C8orf34: variants seen among roughly 807,000 people sequenced by gnomAD.
C8orf34 encodes the protein uncharacterized protein C8orf34.
In C8orf34, 65 loss-of-function variants were observed where a neutral mutation model predicts 68.3. That is an observed-to-expected ratio of 0.95 (90% confidence interval 0.78 to 1.17). The LOEUF (loss-of-function observed/expected upper bound fraction) is 1.17. C8orf34 is among the 50% of genes most tolerant of loss of function. C8orf34 has a pLI of 0.00. For missense variants in C8orf34, 664 were observed against 655.4 expected, an observed-to-expected ratio of 1.01 and a Z score of -0.14; for synonymous variants, 244 against 241.2, an observed-to-expected ratio of 1.01 and a Z score of -0.11.
chr8:68,411,935 G>A (rs1809461415), intron 1 of C8orf34, among the ~76,000 whole-genome samples: 1 of 152,198 alleles, frequency 6.6e-6, no homozygotes, highest in Admixed American at 6.5e-5. Context: ...AAGCCTTTGG[G>A]AGGTGATTAA....
chr8:68,539,184 A>G (rs567175583), intron 7 of C8orf34, among the ~76,000 whole-genome samples: 48 of 152,354 alleles, frequency 3.2e-4, no homozygotes, highest in African/African-American at 1.1e-3. Flanking sequence ...TGCTTTTGAA[A>G]TAAACTTGCC....
At chr8:68,716,578 T>C (rs1242614114) in intron 9 of C8orf34, among the ~76,000 whole-genome samples, 1 of 152,006 alleles carries the variant, frequency 6.6e-6, no homozygotes, top group African/African-American at 2.4e-5. Flanking sequence ...ATTAAGACCA[T>C]GGAGAGATAC....
chr8:68,459,450 C>T (rs895567717), intron 3 of C8orf34, among the ~76,000 whole-genome samples: 3 of 152,056 alleles, frequency 2.0e-5, no homozygotes, highest in African/African-American at 7.2e-5. Flanking sequence ...CCAGGCTGGT[C>T]TCGAGCTCCT....
intron 7 of C8orf34, among the ~76,000 whole-genome samples, chr8:68,571,694 T>C (rs532829528): frequency 1.3e-5 from 2 of 152,258 alleles, no homozygotes; most frequent in South Asian, 2.1e-4. Flanking sequence ...GGAAGAAGCA[T>C]AGAGAAATTG....
intron 1 of C8orf34, among the ~76,000 whole-genome samples, chr8:68,403,881 C>T (rs7816788): frequency 0.64 from 96,590 of 152,000 alleles, 30,753 homozygotes; most frequent in African/African-American, 0.69. Context: ...TGATTTATAA[C>T]CCTTTGGGTA....
chr8:68,505,535 T>A (rs1220936113), intron 5 of C8orf34, among the ~76,000 whole-genome samples: 1 of 97,074 alleles, frequency 1.0e-5, no homozygotes, highest in Admixed American at 9.0e-5. Context: ...ATCGAGACCA[T>A]CCTGGCTAAC....
At chr8:68,392,036 T>C (rs1189385252) in intron 1 of C8orf34, among the ~76,000 whole-genome samples, 3 of 152,160 alleles carry the variant, frequency 2.0e-5, no homozygotes, top group Non-Finnish European at 2.9e-5. Context: ...GATGCCTTTG[T>C]TGGTAAAGGG....
At chr8:68,706,558 C>G (rs946482432) in intron 8 of C8orf34, among the ~76,000 whole-genome samples, 14 of 151,556 alleles carry the variant, frequency 9.2e-5, no homozygotes, top group Non-Finnish European at 1.0e-4. Context: ...TGTGAAAGAG[C>G]CTGAAGGAGG....
intron 7 of C8orf34, among the ~76,000 whole-genome samples, chr8:68,627,944 T>C (rs1232582025): frequency 6.6e-6 from 1 of 152,182 alleles, no homozygotes; most frequent in Non-Finnish European, 1.5e-5. Flanking sequence ...AGTTTTTTAC[T>C]CTTTTCAGTT....
At chr8:68,425,753 G>A (rs1028888714) in intron 1 of C8orf34, among the ~76,000 whole-genome samples, 1 of 149,404 alleles carries the variant, frequency 6.7e-6, no homozygotes, top group African/African-American at 2.4e-5. Context: ...GGAAGTAGGA[G>A]AAACCACTCT....
intron 4 of C8orf34, among the ~76,000 whole-genome samples, chr8:68,472,271 CT>C (rs1316697181): frequency 6.6e-6 from 1 of 152,074 alleles, no homozygotes; most frequent in East Asian, 1.9e-4. Flanking sequence ...TCAAACATTA[CT>C]TTTTTCTTCC....
chr8:68,761,788 G>A (rs1823031133), intron 10 of C8orf34, among the ~76,000 whole-genome samples: 1 of 152,040 alleles, frequency 6.6e-6, no homozygotes, highest in Non-Finnish European at 1.5e-5. Flanking sequence ...CTGCATTTCT[G>A]GTGCACACCA....
At chr8:68,495,196 A>G (rs894542830) in intron 5 of C8orf34, among the ~76,000 whole-genome samples, 6 of 151,612 alleles carry the variant, frequency 4.0e-5, no homozygotes, top group Non-Finnish European at 7.4e-5. Flanking sequence ...AAATACTGCT[A>G]TCTTTAGCTC....
intron 7 of C8orf34, among the ~76,000 whole-genome samples, chr8:68,558,179 A>G (rs965108063): frequency 6.6e-6 from 1 of 152,096 alleles, no homozygotes; most frequent in African/African-American, 2.4e-5. Flanking sequence ...TATTATATTA[A>G]CCCTCAGCAT....
At chr8:68,681,891 T>C (rs1024570384) in intron 8 of C8orf34, among the ~76,000 whole-genome samples, 23 of 152,180 alleles carry the variant, frequency 1.5e-4, no homozygotes, top group African/African-American at 5.1e-4. Context: ...GAGGTCACTA[T>C]GTTAAGTGAG....
At chr8:68,409,072 C>T (rs1289986110) in intron 1 of C8orf34, among the ~76,000 whole-genome samples, 1 of 151,888 alleles carries the variant, frequency 6.6e-6, no homozygotes, top group African/African-American at 2.4e-5. Context: ...CAGGCGTGAG[C>T]CACTGTGCCC....
chr8:68,671,545 T>C (rs1257948586), intron 8 of C8orf34, among the ~76,000 whole-genome samples: 1 of 152,206 alleles, frequency 6.6e-6, no homozygotes, highest in Non-Finnish European at 1.5e-5. Flanking sequence ...CATTTTAGAA[T>C]ACAATACTAG....
intron 8 of C8orf34, among the ~76,000 whole-genome samples, chr8:68,659,021 A>T (rs976175626): frequency 2.0e-5 from 3 of 152,098 alleles, no homozygotes; most frequent in Non-Finnish European, 4.4e-5. Flanking sequence ...TTGTAAACTC[A>T]TCAGGAAGGG....
chr8:68,760,803 T>C lies in C8orf34; in HGVS notation c.1405-15596T>C, dbSNP rs182676805. Among the ~76,000 whole-genome samples the C allele has an allele frequency of 1.3e-4, 20 of 152,278 alleles. No individual in the cohort carries two copies. In the East Asian group the frequency reaches 2.5e-3, roughly 19 times the overall value. On this transcript the variant is annotated intron_variant, in intron 10 of 13. Coordinates refer to ENST00000518698, the MANE Select transcript of C8orf34 (RefSeq NM_052958.4). ...AGAAGTGGAAAATATCTACCTGAGA[T>C]AATGGAAGGAGAACTGGATTAGGAG...
Sources: gnomAD v4.1 joint callset for allele counts (sites outside exome capture counted in the v4.1 genomes callset) on GRCh38, gnomAD v4.1.1 for gene constraint, MANE v1.5 for transcripts, NCBI Gene and HGNC (gene_info 2026-07-23, HGNC 2026-07-21) for gene names.